The following GDA variants were observed in gnomAD, a reference collection of about 807,000 sequenced individuals.
The protein encoded by GDA is cytoplasmic PSD-95 interactor.
Under a neutral mutation model 59.6 loss-of-function variants are expected in GDA, and 18 were observed. The ratio of observed to expected loss-of-function variants is 0.30; its 90% CI spans 0.21 to 0.45. The LOEUF is 0.45. Ranked by LOEUF, GDA falls within the 20% of genes least tolerant of loss-of-function variation. The probability of loss-of-function intolerance (pLI) is 1.00; values close to 1 mark genes in which losing one functional copy is unlikely to be tolerated. For missense variants in GDA, 427 were observed against 552.3 expected, an observed-to-expected ratio of 0.77 and a Z score of 2.27; for synonymous variants, 201 against 201.1, an observed-to-expected ratio of 1.00 and a Z score of 0.00.
intron 1 of GDA, among the ~76,000 whole-genome samples, chr9:72,118,519 G>T (rs1454335410): frequency 6.6e-6 from 1 of 152,036 alleles, no homozygotes; most frequent in African/African-American, 2.4e-5. Flanking sequence ...TATCTCTAAA[G>T]AGTTGTGGAA....
At chr9:72,256,537 C>T (rs986795311), downstream of GDA, among the ~76,000 whole-genome samples, 1 of 152,184 alleles carries the variant, frequency 6.6e-6, no homozygotes, top group African/African-American at 2.4e-5. Context: ...ACAGAAGTGA[C>T]ATCTAAGCCT....
intron 6 of GDA, among the ~76,000 whole-genome samples, chr9:72,220,058 A>G (rs536416747): frequency 6.6e-6 from 1 of 152,244 alleles, no homozygotes; most frequent in Non-Finnish European, 1.5e-5. Context: ...AAGAAAATGC[A>G]GTGTATATGT....
chr9:72,222,698 G>C (rs779275379), intron 6 of GDA, among the ~76,000 whole-genome samples: 9 of 151,572 alleles, frequency 5.9e-5, no homozygotes, highest in Non-Finnish European at 1.2e-4. Flanking sequence ...TTTTGTTGTT[G>C]TTTGGTTGGT....
At chr9:72,205,873 A>G (rs1338951155) in intron 3 of GDA, among the ~76,000 whole-genome samples, 1 of 152,156 alleles carries the variant, frequency 6.6e-6, no homozygotes, top group Non-Finnish European at 1.5e-5. Flanking sequence ...CTTCTCCCAT[A>G]TAAGCCCTGT....
chr9:72,187,422 T>G (rs1831998532), intron 1 of GDA, among the ~76,000 whole-genome samples: 1 of 152,180 alleles, frequency 6.6e-6, no homozygotes. Context: ...CCTTCCACCT[T>G]TCTGCTGTAT....
At chr9:72,204,237 A>G (rs1264544921) in intron 3 of GDA, among the ~76,000 whole-genome samples, 1 of 152,268 alleles carries the variant, frequency 6.6e-6, no homozygotes, top group Non-Finnish European at 1.5e-5. Context: ...AAAGCTATGT[A>G]TAAAGTAGCT....
rs372389322 is a variant in GDA at position 72,227,940 on chromosome 9, C to T, written c.823-3C>T. ...ACTCCACGTAGGGCACTCTTCTCTC[C>T]AGACAGTGATGGCACACGGCTGCTA... On this transcript the variant is annotated splice_region_variant and splice_polypyrimidine_tract_variant and intron_variant, in intron 8 of 13. Coordinates refer to ENST00000358399, the MANE Select transcript of GDA (RefSeq NM_004293.5). 32 of 1,563,940 alleles carry T rather than the reference C, an allele frequency of 2.0e-5. 1 individual carries two copies. In the African/African-American group the frequency reaches 3.1e-4, roughly 15 times the overall value.
rs1840606977 is a variant in GDA at position 72,250,816 on chromosome 9, A to G, written c.*2474A>G. The G allele has an allele frequency of 6.2e-7, 1 of 1,609,696 alleles. No individual in the cohort carries two copies. The highest frequency in any genetic ancestry group is 8.5e-7 in the Non-Finnish European group (1 of 1,177,242). On this transcript the variant is annotated 3_prime_UTR_variant, in exon 14 of 14. Transcript: ENST00000358399. ...CACCATTTCCTTAATGTTCCATGGT[A>G]TTTTCAACGGAATACACTTTGAAAG...
chr9:72,225,137 C>A (rs907250258), intron 7 of GDA, among the ~76,000 whole-genome samples: 6 of 152,038 alleles, frequency 3.9e-5, no homozygotes, highest in Admixed American at 3.9e-4. Context: ...CAAAATTAGC[C>A]AGGCATGGTG....
chr9:72,234,826 G>C (rs1283631084), intron 10 of GDA, among the ~76,000 whole-genome samples: 1 of 152,192 alleles, frequency 6.6e-6, no homozygotes, highest in Non-Finnish European at 1.5e-5. Context: ...AAACCAGTTT[G>C]CTTTCAGATG....
At chr9:72,128,779 T>C (rs1265628937) in intron 1 of GDA, among the ~76,000 whole-genome samples, 1 of 152,198 alleles carries the variant, frequency 6.6e-6, no homozygotes, top group African/African-American at 2.4e-5. Flanking sequence ...GACTAGCACC[T>C]AGCTTATTTT....
Position 72,197,773 on chromosome 9 carries a change from G to A in GDA, c.212+2185G>A, listed in dbSNP as rs115957786. 4.1e-3 allele frequency among the ~76,000 whole-genome samples: 626 copies of A among 152,202 alleles called. 4 individuals carry two copies. Among genetic ancestry groups the A allele is most frequent in the African/African-American group, 0.014 (577 of 41,514 alleles). ...TATATCAAGCACACAAGTTATGTGC[G>A]GTTGAATTTAAGTCATGATTAAAAT... On this transcript the variant is annotated intron_variant, in intron 2 of 13. Coordinates refer to ENST00000358399, the MANE Select transcript of GDA (RefSeq NM_004293.5).
chr9:72,231,105 T>C lies in GDA; in HGVS notation c.921-9T>C. On this transcript the variant is annotated splice_polypyrimidine_tract_variant and intron_variant, in intron 9 of 13. Transcript: ENST00000358399. Reference sequence around the variant, plus strand: ...GATCTCCTTGTTCTGACATCTCCTCTCTCTACAGGCTCAGCAGTGGATTTC... The same window carrying C: ...GATCTCCTTGTTCTGACATCTCCTCCCTCTACAGGCTCAGCAGTGGATTTC... 6.5e-7 allele frequency: 1 copy of C among 1,529,058 alleles called. No homozygotes were observed. The highest frequency in any genetic ancestry group is 9.1e-7 in the Non-Finnish European group (1 of 1,102,454). 94.7% of individuals were successfully genotyped at this position (1,529,058 alleles called of 1,614,324 possible).
At chr9:72,169,453 T>C (rs1829703832) in intron 1 of GDA, among the ~76,000 whole-genome samples, 1 of 152,316 alleles carries the variant, frequency 6.6e-6, no homozygotes, top group East Asian at 1.9e-4. Context: ...ACACAAAATA[T>C]TTCTTACTGG....
intron 5 of GDA, 94 bp downstream of exon 5, chr9:72,214,085 A>T: frequency 1.4e-6 from 1 of 740,336 alleles, no homozygotes; most frequent in Non-Finnish European, 2.4e-6. Context: ...GGATACTGTT[A>T]TCACCCAGTT....
chr9:72,222,680 G>GGTT (rs1837040021), intron 6 of GDA, among the ~76,000 whole-genome samples: 1 of 151,916 alleles, frequency 6.6e-6, no homozygotes, highest in Non-Finnish European at 1.5e-5. Flanking sequence ...TGTCTTCCAA[G>GGTT]GTTGTTTTTT....
chr9:72,231,207 T>C (rs1300402061), intron 10 of GDA, 26 bp downstream of exon 10: 6 of 1,183,572 alleles, frequency 5.1e-6, no homozygotes, highest in Non-Finnish European at 7.6e-6. Context: ...TTTGGAGCTA[T>C]GGCAAAGTGG....
At chr9:72,199,473 G>A (rs1226738311) in intron 2 of GDA, among the ~76,000 whole-genome samples, 1 of 152,062 alleles carries the variant, frequency 6.6e-6, no homozygotes, top group Non-Finnish European at 1.5e-5. Context: ...TCTCATCTCA[G>A]CTACAATGAA....
intron 1 of GDA, among the ~76,000 whole-genome samples, chr9:72,130,277 T>G (rs977270109): frequency 6.6e-6 from 1 of 152,200 alleles, no homozygotes; most frequent in African/African-American, 2.4e-5. Flanking sequence ...CCAAATATCT[T>G]TCAATATCAT....
Sources: allele counts gnomAD v4.1 joint callset (sites outside exome capture counted in the v4.1 genomes callset), GRCh38; gene constraint gnomAD v4.1.1; transcripts MANE v1.5; gene names NCBI Gene and HGNC (gene_info 2026-07-23, HGNC 2026-07-21).